Variants in ASAP1 observed in about 807,000 individuals in gnomAD.
ASAP1 encodes arf-GAP with SH3 domain, ANK repeat and PH domain-containing protein 1.
A neutral mutation model predicts 145.2 loss-of-function variants in ASAP1; 43 were observed. The observed-to-expected ratio is 0.30, with a 90% CI of 0.23 to 0.38. ASAP1 has a LOEUF of 0.38. ASAP1 is among the 10% of genes least tolerant of loss of function. The pLI, the probability that ASAP1 is intolerant of heterozygous loss-of-function variation, is 1.00. For synonymous variants in ASAP1, 546 were observed against 515.5 expected, an observed-to-expected ratio of 1.06 and a Z score of -0.80; for missense variants, 1,018 against 1,355.3, an observed-to-expected ratio of 0.75 and a Z score of 3.91.
chr8:130,257,887 T>C (rs995549087), intron 3 of ASAP1, among the ~76,000 whole-genome samples: 4 of 149,006 alleles, frequency 2.7e-5, no homozygotes, highest in Admixed American at 1.4e-4. Context: ...TTCTAGCAAA[T>C]CTGTTAAAGA....
chr8:130,169,997 G>A (rs1813470338), intron 9 of ASAP1, among the ~76,000 whole-genome samples: 1 of 152,094 alleles, frequency 6.6e-6, no homozygotes, highest in Admixed American at 6.5e-5. Flanking sequence ...AACGTGTTTA[G>A]AATTTTCTCT....
intron 2 of ASAP1, among the ~76,000 whole-genome samples, chr8:130,396,082 C>G (rs987709661): frequency 2.0e-5 from 3 of 152,112 alleles, no homozygotes; most frequent in Non-Finnish European, 2.9e-5. Flanking sequence ...GTTTTTGTTT[C>G]CCTTGATATC....
intron 3 of ASAP1, among the ~76,000 whole-genome samples, chr8:130,253,737 GT>G (rs1819345080): frequency 6.6e-6 from 1 of 152,158 alleles, no homozygotes. Flanking sequence ...CAAATGAGAT[GT>G]ACAAAAGTTT....
intron 3 of ASAP1, among the ~76,000 whole-genome samples, chr8:130,309,792 C>T (rs1362597319): frequency 6.6e-6 from 1 of 152,192 alleles, no homozygotes; most frequent in African/African-American, 2.4e-5. Context: ...TAAAACTGGA[C>T]TTTTAATCAC....
intron 2 of ASAP1, among the ~76,000 whole-genome samples, chr8:130,361,925 A>T (rs1826731712): frequency 6.6e-6 from 1 of 151,906 alleles, no homozygotes; most frequent in Non-Finnish European, 1.5e-5. Context: ...AGCAAGCATC[A>T]TCTCTGTTGT....
intron 5 of ASAP1, among the ~76,000 whole-genome samples, 179 bp from the exon 6 acceptor site, chr8:130,188,362 C>A (rs1346134807): frequency 6.6e-6 from 1 of 152,208 alleles, no homozygotes. Context: ...ATTATCACTA[C>A]TTTGCAGCTG....
intron 11 of ASAP1, among the ~76,000 whole-genome samples, chr8:130,163,757 T>C (rs957066225): frequency 7.2e-5 from 11 of 152,242 alleles, no homozygotes; most frequent in African/African-American, 2.7e-4. Context: ...CCTTTGATAG[T>C]GTTAACGGAA....
chr8:130,073,774 C>G (rs1478274153), intron 27 of ASAP1, among the ~76,000 whole-genome samples: 2 of 152,140 alleles, frequency 1.3e-5, no homozygotes, highest in Non-Finnish European at 2.9e-5. Flanking sequence ...GCATTAACAG[C>G]TGTGAACTTC....
intron 3 of ASAP1, among the ~76,000 whole-genome samples, chr8:130,338,451 C>T (rs1825174399): frequency 1.3e-5 from 2 of 152,158 alleles, no homozygotes; most frequent in South Asian, 2.1e-4. Flanking sequence ...ACAGAAGATA[C>T]GTGTCAGGTA....
intron 14 of ASAP1, among the ~76,000 whole-genome samples, chr8:130,135,510 A>C (rs761194879): frequency 5.0e-5 from 7 of 141,276 alleles, no homozygotes; most frequent in Non-Finnish European, 7.7e-5. Context: ...AACAAAAAAA[A>C]CCCAAAACAA....
At chr8:130,214,043 G>T (rs1816742081) in intron 5 of ASAP1, among the ~76,000 whole-genome samples, 1 of 152,124 alleles carries the variant, frequency 6.6e-6, no homozygotes, top group Non-Finnish European at 1.5e-5. Flanking sequence ...CCCTTTTCTT[G>T]GTTGGGGGTT....
rs113708683 is a variant in ASAP1, at chr8:130,072,830, C to CG, written c.2701+3517dup. ...GTGTGTGTGTGTGTGTGTGTGCGCG[C>CG]GGGGGGGGGCAGTTTTGGGGACTGA... On this transcript the variant is annotated intron_variant, in intron 27 of 29. Transcript: ENST00000518721. Among the ~76,000 whole-genome samples the CG allele has an allele frequency of 9.4e-4, 30 of 31,926 alleles. 2 individuals are homozygous for CG. Among genetic ancestry groups the CG allele is most frequent in the African/African-American group, 2.2e-3 (11 of 4,912 alleles). 20.9% of individuals were successfully genotyped at this position (31,926 alleles called of 152,430 possible).
At chr8:130,204,442 G>C (rs1004149841) in intron 5 of ASAP1, among the ~76,000 whole-genome samples, 3 of 152,068 alleles carry the variant, frequency 2.0e-5, no homozygotes, top group African/African-American at 4.8e-5. Context: ...TCTTAAATAA[G>C]GGTAACTATG....
chr8:130,226,464 A>C (rs934713593), intron 4 of ASAP1, among the ~76,000 whole-genome samples: 11 of 152,118 alleles, frequency 7.2e-5, no homozygotes, highest in Admixed American at 1.3e-4. Flanking sequence ...TTAAAGACAA[A>C]ATCCTTGGAG....
chr8:130,413,079 G>A (rs945628208), intron 1 of ASAP1, among the ~76,000 whole-genome samples: 4 of 152,186 alleles, frequency 2.6e-5, no homozygotes, highest in Non-Finnish European at 4.4e-5. Context: ...ATTTTACAGA[G>A]AAGGAAACTG....
At chr8:130,248,215 G>A (rs1251380311) in intron 3 of ASAP1, among the ~76,000 whole-genome samples, 5 of 152,084 alleles carry the variant, frequency 3.3e-5, no homozygotes, top group Non-Finnish European at 7.4e-5. Flanking sequence ...GGAATGTGGC[G>A]GGTGCCGGGG....
intron 4 of ASAP1, among the ~76,000 whole-genome samples, chr8:130,222,270 T>C (rs1003184932): frequency 6.6e-6 from 1 of 152,218 alleles, no homozygotes; most frequent in African/African-American, 2.4e-5. Flanking sequence ...CTATGTGTTA[T>C]ACCTTACCAA....
chr8:130,171,774 G>A (rs1222378671), intron 9 of ASAP1, among the ~76,000 whole-genome samples: 1 of 152,242 alleles, frequency 6.6e-6, no homozygotes, highest in African/African-American at 2.4e-5. Context: ...CAGACCTGGA[G>A]AGGTTGGCAA....
intron 3 of ASAP1, among the ~76,000 whole-genome samples, chr8:130,255,496 T>C (rs114043073): frequency 0.026 from 4,007 of 152,302 alleles, 62 homozygotes; most frequent in Middle Eastern, 0.044. Flanking sequence ...CTTCAGCAGT[T>C]GCATAGCATT....
Sources: gnomAD v4.1 joint callset for allele counts (sites outside exome capture counted in the v4.1 genomes callset) on GRCh38, gnomAD v4.1.1 for gene constraint, MANE v1.5 for transcripts, NCBI Gene and HGNC (gene_info 2026-07-23, HGNC 2026-07-21) for gene names.